Variants in AGMO observed in about 807,000 individuals in gnomAD.
The protein encoded by AGMO is alkylglycerol monooxygenase, also known as glyceryl-ether monooxygenase.
AGMO carries 75 observed loss-of-function variants against 60.2 expected under a neutral mutation model. The observed-to-expected ratio is 1.25, with a 90% CI of 1.03 to 1.51. AGMO has a LOEUF of 1.51. Ranked by LOEUF, AGMO falls within the 40% of genes most tolerant of loss-of-function variation. The pLI is 0.00. For synonymous variants in AGMO, 261 were observed against 177.1 expected (o/e 1.47, Z -3.76); for missense variants, 763 against 525.5 (o/e 1.45, Z -4.42).
chr7:15,141,811 T>A, the AGMO span, among the ~76,000 whole-genome samples: 1 of 152,224 alleles, frequency 6.6e-6, no homozygotes, highest in East Asian at 1.9e-4. Flanking sequence ...TTTTTTAATA[T>A]TAAACTTATG....
chr7:15,247,365 A>G (rs1346429965), intron 12 of AGMO, among the ~76,000 whole-genome samples: 2 of 151,638 alleles, frequency 1.3e-5, no homozygotes, highest in Non-Finnish European at 2.9e-5. Context: ...TAAAACAAGG[A>G]TAGTCTCCAA....
chr7:15,408,940 T>C (rs1281268356), intron 5 of AGMO, among the ~76,000 whole-genome samples: 1 of 151,726 alleles, frequency 6.6e-6, no homozygotes, highest in Non-Finnish European at 1.5e-5. Context: ...TTGAAGAATG[T>C]ATGGAATAAT....
intron 8 of AGMO, 44 bp from the exon 9 acceptor site, chr7:15,387,584 G>A (rs762831293): frequency 1.3e-6 from 2 of 1,529,760 alleles, no homozygotes; most frequent in East Asian, 2.3e-5. Context: ...AAGATAAATA[G>A]GAAAGATTAA....
Position 15,391,985 on chromosome 7 carries a change from G to A in AGMO, c.677-1080C>T, listed in dbSNP as rs1014010315. 2.0e-5 allele frequency among the ~76,000 whole-genome samples: 3 copies of A among 152,194 alleles called. No individual in the cohort carries two copies. The East Asian group carries it at 5.8e-4, about 29-fold the overall frequency. ...CCCTGATATAAGCAGGCGTGGGCAT[G>A]CGAAGATGAAGTCAGAGGAAGTAGC... On this transcript the variant is annotated intron_variant, in intron 6 of 12. Coordinates refer to ENST00000342526, the MANE Select transcript of AGMO (RefSeq NM_001004320.2).
chr7:15,160,116 G>A, the AGMO span, among the ~76,000 whole-genome samples: 23 of 152,298 alleles, frequency 1.5e-4, no homozygotes, highest in Middle Eastern at 3.4e-3. Context: ...CATGCTAGAA[G>A]AAGAGGACTT....
At chr7:15,553,715 CATAA>C (rs1020762734) in intron 2 of AGMO, among the ~76,000 whole-genome samples, 14 of 150,890 alleles carry the variant, frequency 9.3e-5, no homozygotes, top group African/African-American at 3.5e-4. Context: ...TAAAAAAATA[CATAA>C]ATAAATAAAT....
chr7:15,531,371 C>CTA (rs1420108548), intron 3 of AGMO, among the ~76,000 whole-genome samples: 112 of 78,460 alleles, frequency 1.4e-3, no homozygotes, highest in African/African-American at 5.6e-3. Flanking sequence ...TATATATATT[C>CTA]TATATATATT....
At chr7:15,540,033 T>C (rs767226069) in intron 3 of AGMO, among the ~76,000 whole-genome samples, 1 of 152,124 alleles carries the variant, frequency 6.6e-6, no homozygotes, top group Admixed American at 6.6e-5. Context: ...TAAGGAATTA[T>C]TAACAGGTAA....
intron 3 of AGMO, among the ~76,000 whole-genome samples, chr7:15,439,174 A>G (rs1319652136): frequency 6.6e-6 from 1 of 152,208 alleles, no homozygotes; most frequent in Non-Finnish European, 1.5e-5. Context: ...CAAGGTGGGC[A>G]TATCACGAAG....
intron 12 of AGMO, among the ~76,000 whole-genome samples, chr7:15,280,662 T>C (rs532357122): frequency 1.4e-4 from 22 of 152,320 alleles, no homozygotes; most frequent in African/African-American, 5.1e-4. Flanking sequence ...ATGCCACCTC[T>C]TGGCTGGAGG....
rs148743574 is a variant in AGMO, at chr7:15,513,857, T to C, written c.409+30915A>G. Among the ~76,000 whole-genome samples, 23 of 152,316 alleles carry C rather than the reference T, an allele frequency of 1.5e-4. 1 individual carries two copies. Among genetic ancestry groups the C allele is most frequent in the African/African-American group, 4.3e-4 (18 of 41,570 alleles). On this transcript the variant is annotated intron_variant, in intron 3 of 12. Coordinates refer to ENST00000342526, the MANE Select transcript of AGMO (RefSeq NM_001004320.2). ...TCTCCTTGAAACACTTTCTTCACTC[T>C]CTTTCAGGACTTCACGCCACCACCC...
In AGMO at chr7:15,551,576, A is replaced by C. The variant is rs1285292766; in HGVS notation, c.258-6653T>G. 3.5e-4 allele frequency among the ~76,000 whole-genome samples: 53 copies of C among 151,508 alleles called. No individual in the cohort carries two copies. The South Asian group carries it at 0.01, about 29-fold the overall frequency. On this transcript the variant is annotated intron_variant, in intron 2 of 12. Transcript: ENST00000342526. ...GTGAACTCCCATTCACAATTGCTTC[A>C]AAGAGAATAAAATACTTAGGAATCC... is the stretch of plus-strand genomic sequence containing the variant.
chr7:15,124,930 A>T, the AGMO span, among the ~76,000 whole-genome samples: 1 of 152,070 alleles, frequency 6.6e-6, no homozygotes, highest in Non-Finnish European at 1.5e-5. Context: ...TAATGGCTGA[A>T]CATAGAGGGG....
At chr7:15,381,817 T>C (rs1262876750) in intron 10 of AGMO, among the ~76,000 whole-genome samples, 2 of 152,148 alleles carry the variant, frequency 1.3e-5, no homozygotes, top group Non-Finnish European at 2.9e-5. Flanking sequence ...TAGGTAAGTA[T>C]ACACCATGGA....
chr7:15,128,742 C>T, the AGMO span, among the ~76,000 whole-genome samples: 3 of 152,084 alleles, frequency 2.0e-5, no homozygotes, highest in Admixed American at 1.3e-4. Flanking sequence ...ACCTTAAAAC[C>T]AAGTGTAATC....
At chr7:15,127,385 A>C in the AGMO span, among the ~76,000 whole-genome samples, 1 of 152,126 alleles carries the variant, frequency 6.6e-6, no homozygotes. Flanking sequence ...GAAATAACAA[A>C]AATTTTCTCA....
chr7:15,548,283 T>C lies in AGMO; in HGVS notation c.258-3360A>G, dbSNP rs565009328. On this transcript the variant is annotated intron_variant, in intron 2 of 12. Coordinates refer to ENST00000342526, the MANE Select transcript of AGMO (RefSeq NM_001004320.2). ...CCTCTCCTCCTCCAAAGGAACGCAG[T>C]TCCTCACCAGCAACGGAACAAAGCT... Among the ~76,000 whole-genome samples, 441 of 152,154 alleles carry C rather than the reference T, an allele frequency of 2.9e-3. 3 individuals carry two copies. The highest frequency in any genetic ancestry group is 0.011 in the Admixed American group (168 of 15,294).
the AGMO span, among the ~76,000 whole-genome samples, chr7:15,129,041 G>A: frequency 2.0e-5 from 3 of 152,048 alleles, no homozygotes; most frequent in Non-Finnish European, 4.4e-5. Flanking sequence ...CTAGAAGTGG[G>A]GCATCCTATG....
At chr7:15,554,047 C>T (rs1382503254) in intron 2 of AGMO, among the ~76,000 whole-genome samples, 1 of 152,030 alleles carries the variant, frequency 6.6e-6, no homozygotes, top group African/African-American at 2.4e-5. Context: ...CCATGGAGTG[C>T]CCACAACTAA....
Sources: allele counts gnomAD v4.1 joint callset (sites outside exome capture counted in the v4.1 genomes callset), GRCh38; gene constraint gnomAD v4.1.1; transcripts MANE v1.5; gene names NCBI Gene and HGNC (gene_info 2026-07-23, HGNC 2026-07-21).